TNKS: variants seen among roughly 807,000 people sequenced by gnomAD.
TNKS encodes the protein tankyrase.
Under a neutral mutation model 135.8 loss-of-function variants are expected in TNKS, and 72 were observed. The ratio of observed to expected loss-of-function variants is 0.53; its 90% CI spans 0.44 to 0.64. The LOEUF is 0.64. Ranked by LOEUF, TNKS falls within the 30% of genes least tolerant of loss-of-function variation. The pLI is 0.00. For synonymous variants in TNKS, 849 were observed against 649.3 expected, an observed-to-expected ratio of 1.31 and a Z score of -4.68; for missense variants, 1,769 against 1,674.0, an observed-to-expected ratio of 1.06 and a Z score of -0.99.
intron 17 of TNKS, among the ~76,000 whole-genome samples, chr8:9,742,209 T>G (rs568871343): frequency 6.6e-6 from 1 of 152,314 alleles, no homozygotes; most frequent in South Asian, 2.1e-4. Context: ...AAAAATTTTT[T>G]TCATGTATTA....
Position 9,615,660 on chromosome 8 carries a change from C to T in TNKS, c.977C>T (p.Ala326Val). 6.2e-7 allele frequency: 1 copy of T among 1,612,610 alleles called. No homozygotes were observed. Among genetic ancestry groups the T allele is most frequent in the Non-Finnish European group, 8.5e-7 (1 of 1,179,268 alleles). ...KSALDLADPS[A>V]KAVLTGEYKK... Reference sequence around the variant, plus strand: ...GCCCTGGACCTGGCAGATCCTTCAGCAAAAGCTGTCCTTACAGGTAAGAAG... The same window carrying T: ...GCCCTGGACCTGGCAGATCCTTCAGTAAAAGCTGTCCTTACAGGTAAGAAG... The change falls in exon 3 of 27, where the codon GCA becomes GTA. Residue 326 changes from alanine to valine, a missense_variant. Ala to Val is a moderately conservative substitution (Grantham distance 64). This residue lies in a region of TNKS where 523 missense variants were observed against 541.0 expected (regional missense o/e 0.97). Coordinates refer to ENST00000310430, the MANE Select transcript of TNKS (RefSeq NM_003747.3).
chr8:9,633,988 C>T (rs1349381522), intron 3 of TNKS, among the ~76,000 whole-genome samples: 1 of 151,752 alleles, frequency 6.6e-6, no homozygotes. Flanking sequence ...AACATTCATT[C>T]TTTTAAGTTG....
At chr8:9,755,917 T>G (rs776814427) in intron 20 of TNKS, among the ~76,000 whole-genome samples, 1 of 152,212 alleles carries the variant, frequency 6.6e-6, no homozygotes, top group African/African-American at 2.4e-5. Flanking sequence ...TTGTCCTGTT[T>G]CCCATAGATA....
At chr8:9,712,403 C>T (rs2128809875) in intron 11 of TNKS, among the ~76,000 whole-genome samples, 1 of 151,792 alleles carries the variant, frequency 6.6e-6, no homozygotes, top group South Asian at 2.1e-4. Flanking sequence ...TCACTTGATC[C>T]CAGGAGTTTG....
At chr8:9,730,253 A>G (rs756584231) in intron 13 of TNKS, among the ~76,000 whole-genome samples, 9 of 152,186 alleles carry the variant, frequency 5.9e-5, no homozygotes, top group African/African-American at 9.7e-5. Context: ...GACATAGAAG[A>G]GATTTGGAGG....
chr8:9,721,846 G>C (rs1804898552), intron 12 of TNKS, among the ~76,000 whole-genome samples: 1 of 150,734 alleles, frequency 6.6e-6, no homozygotes, highest in South Asian at 2.1e-4. Context: ...GAGGTCAGGA[G>C]TTCCAGACCA....
At chr8:9,628,922 C>T (rs985245613) in intron 3 of TNKS, among the ~76,000 whole-genome samples, 6 of 152,172 alleles carry the variant, frequency 3.9e-5, no homozygotes, top group South Asian at 2.1e-4. Context: ...ACAAGCTACC[C>T]GGTTGCTCCA....
chr8:9,641,053 A>G (rs1309322156), intron 3 of TNKS, among the ~76,000 whole-genome samples: 1 of 145,984 alleles, frequency 6.9e-6, no homozygotes, highest in Non-Finnish European at 1.5e-5. Context: ...CACCCATTTA[A>G]TAAGATGCCC....
At position 9,720,567 on chromosome 8, in the gene TNKS, G is replaced by C. The variant is rs143882429; in HGVS notation, c.1921+22G>C. 2.5e-6 allele frequency: 4 copies of C among 1,587,652 alleles called. No individual in the cohort carries two copies. In the African/African-American group the frequency reaches 4.1e-5, roughly 16 times the overall value. ...AGTGGTGAGTTAAAATAGACCAACA[G>C]GGCATTTTATGTTTTCTCTTCCATC... On this transcript the variant is annotated intron_variant, in intron 12 of 26. Transcript: ENST00000310430.
chr8:9,726,487 G>A (rs1267091136), intron 12 of TNKS, among the ~76,000 whole-genome samples, 154 bp from the exon 13 acceptor site: 3 of 152,168 alleles, frequency 2.0e-5, no homozygotes, highest in African/African-American at 7.2e-5. Flanking sequence ...CTATGGCAAA[G>A]TTTTGCTACA....
In TNKS at chr8:9,751,712, C is replaced by G. The variant is rs1198364861; in HGVS notation, c.2936C>G (p.Pro979Arg). The G allele has an allele frequency of 6.2e-7, 1 of 1,614,188 alleles. No homozygotes were observed. The highest frequency in any genetic ancestry group is 1.1e-5 in the South Asian group (1 of 91,080). ...ATVVSASLIS[P>R]ASTPSCLSAA... ...GTAGTGAGTGCCTCTCTGATCTCAC[C>G]AGCATCCACCCCCTCCTGCCTCTCG... The change falls in exon 19 of 27, where the codon CCA (proline) becomes CGA (arginine). Residue 979 changes from proline (P) to arginine (R), a missense_variant. Around this residue, in one of 5 missense-constraint regions of TNKS, gnomAD observed 722 missense variants for 688.9 expected, o/e 1.05. Coordinates refer to ENST00000310430, the MANE Select transcript of TNKS (RefSeq NM_003747.3).
chr8:9,753,096 C>G (rs1272138241), intron 20 of TNKS, among the ~76,000 whole-genome samples: 1 of 152,080 alleles, frequency 6.6e-6, no homozygotes, highest in East Asian at 1.9e-4. Flanking sequence ...TATACTTCTC[C>G]CCAAAATTGT....
At chr8:9,729,149 C>T (rs920940720) in intron 13 of TNKS, among the ~76,000 whole-genome samples, 3 of 152,096 alleles carry the variant, frequency 2.0e-5, no homozygotes, top group African/African-American at 4.8e-5. Context: ...AAGGGCAAAA[C>T]GGCCAAATGC....
chr8:9,665,552 G>T (rs1408254257), intron 3 of TNKS, among the ~76,000 whole-genome samples: 1 of 152,322 alleles, frequency 6.6e-6, no homozygotes, highest in African/African-American at 2.4e-5. Flanking sequence ...TTATGGTAAA[G>T]TTGTGCATCT....
chr8:9,657,678 G>C (rs1211340519), intron 3 of TNKS, among the ~76,000 whole-genome samples: 1 of 86,164 alleles, frequency 1.2e-5, no homozygotes, highest in African/African-American at 4.7e-5. Flanking sequence ...CCTCCCGGAC[G>C]GGGTGGCTGG....
intron 3 of TNKS, among the ~76,000 whole-genome samples, chr8:9,657,243 C>T (rs1201919853): frequency 9.1e-5 from 11 of 121,416 alleles, no homozygotes; most frequent in East Asian, 2.3e-4. Flanking sequence ...GCTGGCCGGG[C>T]GGGGGGCCGA....
At chr8:9,606,771 T>C (rs1440894077) in intron 2 of TNKS, among the ~76,000 whole-genome samples, 1 of 152,138 alleles carries the variant, frequency 6.6e-6, no homozygotes, top group Non-Finnish European at 1.5e-5. Flanking sequence ...GTAGTGGACA[T>C]GGTAGTCACT....
intron 17 of TNKS, among the ~76,000 whole-genome samples, chr8:9,742,831 G>T (rs1192920089): frequency 6.7e-6 from 1 of 149,698 alleles, no homozygotes; most frequent in Admixed American, 6.7e-5. Context: ...TATATTTAAG[G>T]AGTAATAAAT....
At chr8:9,747,925 TAC>T (rs1218984421) in intron 17 of TNKS, 97 bp from the exon 18 acceptor site, 2 of 1,144,160 alleles carry the variant, frequency 1.7e-6, no homozygotes, top group African/African-American at 1.6e-5. Flanking sequence ...AAAATGGAGA[TAC>T]AGAGGAGTGA....
Sources: gnomAD v4.1 joint callset for allele counts (sites outside exome capture counted in the v4.1 genomes callset) on GRCh38, gnomAD v4.1.1 for gene constraint, gnomAD v4.1.1 regional missense constraint, MANE v1.5 for transcripts, NCBI Gene and HGNC (gene_info 2026-07-23, HGNC 2026-07-21) for gene names.